Variants in EBF1 observed in about 807,000 individuals in gnomAD.
EBF1 encodes transcription factor COE1.
EBF1 carries 10 observed loss-of-function variants against 68.4 expected under a neutral mutation model. The observed-to-expected ratio is 0.15, with a 90% CI of 0.09 to 0.25. The LOEUF is 0.25. EBF1 is among the 10% of genes least tolerant of loss of function. The pLI, the probability that EBF1 is intolerant of heterozygous loss-of-function variation, is 1.00. For synonymous variants in EBF1, 298 were observed against 299.8 expected (o/e 0.99, Z 0.06); for missense variants, 509 against 794.4 (o/e 0.64, Z 4.32).
chr5:158,767,149 G>A (rs1442815035), intron 10 of EBF1, among the ~76,000 whole-genome samples: 1 of 152,100 alleles, frequency 6.6e-6, no homozygotes, highest in Non-Finnish European at 1.5e-5. Context: ...CTTAGATTGT[G>A]AGAGCTTATC....
chr5:159,082,197 T>C (rs1779862828), intron 5 of EBF1, among the ~76,000 whole-genome samples: 1 of 152,210 alleles, frequency 6.6e-6, no homozygotes, highest in Non-Finnish European at 1.5e-5. Context: ...CTTGTCGATC[T>C]AAATTCTCTG....
chr5:158,840,668 T>TTTG (rs1790112706), intron 6 of EBF1, among the ~76,000 whole-genome samples: 5 of 79,396 alleles, frequency 6.3e-5, no homozygotes, highest in Non-Finnish European at 1.1e-4. Flanking sequence ...TTTTTTTTTT[T>TTTG]TTTTGTTTTT....
intron 6 of EBF1, among the ~76,000 whole-genome samples, chr5:158,940,415 T>C (rs750642320): frequency 1.8e-4 from 28 of 152,184 alleles, no homozygotes; most frequent in Non-Finnish European, 4.0e-4. Flanking sequence ...GCCACTTAAA[T>C]ACATCCTCTT....
intron 6 of EBF1, among the ~76,000 whole-genome samples, chr5:158,956,821 C>T (rs1047594373): frequency 6.8e-6 from 1 of 146,362 alleles, no homozygotes; most frequent in African/African-American, 2.6e-5. Context: ...TGCAGTGGCG[C>T]GATCTGGGCT....
At chr5:158,728,914 T>C (rs1561760403) in intron 11 of EBF1, among the ~76,000 whole-genome samples, 1 of 152,184 alleles carries the variant, frequency 6.6e-6, no homozygotes. Flanking sequence ...AGGGCACCCA[T>C]GAGATGACCT....
At chr5:158,860,795 T>A (rs1238882365) in intron 6 of EBF1, among the ~76,000 whole-genome samples, 2 of 152,174 alleles carry the variant, frequency 1.3e-5, no homozygotes, top group African/African-American at 4.8e-5. Context: ...TGCATGTGTG[T>A]CTCGGCGCAT....
chr5:158,883,373 C>T lies in EBF1; in HGVS notation c.555-43263G>A, dbSNP rs1799323483. ...GTATATATATATATACACATACATACATGTATATATATACATACATACATG... is the reference window on the plus strand; with the variant it reads ...GTATATATATATATACACATACATATATGTATATATATACATACATACATG... On this transcript the variant is annotated intron_variant, in intron 6 of 15. Transcript: ENST00000313708. 2.0e-5 allele frequency among the ~76,000 whole-genome samples: 3 copies of T among 150,118 alleles called. No individual in the cohort carries two copies. The South Asian group carries it at 6.3e-4, about 31-fold the overall frequency.
chr5:158,926,058 T>C (rs1390733418), intron 6 of EBF1, among the ~76,000 whole-genome samples: 2 of 152,170 alleles, frequency 1.3e-5, no homozygotes, highest in Non-Finnish European at 2.9e-5. Flanking sequence ...TAAAAGCAAA[T>C]AGTGCCTGCT....
intron 6 of EBF1, among the ~76,000 whole-genome samples, chr5:158,950,334 C>A (rs1045334342): frequency 4.6e-5 from 7 of 152,120 alleles, no homozygotes; most frequent in Non-Finnish European, 1.0e-4. Context: ...AGTCAGTAGC[C>A]GATGAAGAAT....
At chr5:159,072,900 A>C (rs988160689) in intron 6 of EBF1, among the ~76,000 whole-genome samples, 2 of 152,244 alleles carry the variant, frequency 1.3e-5, no homozygotes, top group East Asian at 3.8e-4. Context: ...AAATCCGGCA[A>C]ATAACAGTAG....
chr5:158,961,849 AAG>A (rs1315275145), intron 6 of EBF1, among the ~76,000 whole-genome samples: 3 of 152,326 alleles, frequency 2.0e-5, no homozygotes, highest in Admixed American at 1.3e-4. Context: ...TTCTGAGGGA[AAG>A]AGAGCGAATT....
At chr5:158,916,880 T>C (rs1274569192) in intron 6 of EBF1, among the ~76,000 whole-genome samples, 1 of 152,226 alleles carries the variant, frequency 6.6e-6, no homozygotes, top group Non-Finnish European at 1.5e-5. Flanking sequence ...TCCCCTTCCA[T>C]GCAATAAGCA....
chr5:158,742,599 G>A (rs1464856897), intron 10 of EBF1, among the ~76,000 whole-genome samples: 1 of 152,166 alleles, frequency 6.6e-6, no homozygotes, highest in African/African-American at 2.4e-5. Flanking sequence ...AGTCTAGAGG[G>A]GCAGAAAGAC....
At chr5:158,816,738 G>T (rs1193433354) in intron 8 of EBF1, among the ~76,000 whole-genome samples, 1 of 151,706 alleles carries the variant, frequency 6.6e-6, no homozygotes, top group Non-Finnish European at 1.5e-5. Flanking sequence ...ATGCCAAAAG[G>T]TACACTCTTT....
intron 8 of EBF1, among the ~76,000 whole-genome samples, chr5:158,806,867 C>CA (rs1781684184): frequency 6.6e-6 from 1 of 152,144 alleles, no homozygotes; most frequent in African/African-American, 2.4e-5. Flanking sequence ...TAAATGAGGA[C>CA]AGCTGACTGG....
chr5:159,081,702 C>T lies in EBF1; in HGVS notation c.485+2964G>A, dbSNP rs149831276. 1.1e-3 allele frequency among the ~76,000 whole-genome samples: 160 copies of T among 152,182 alleles called. 2 individuals carry two copies. Among genetic ancestry groups the T allele is most frequent in the African/African-American group, 3.4e-3 (141 of 41,522 alleles). ...CCATACACTGATGAGGGAAAGAGGT[C>T]TTTCTTAAACAGAGCTCTGGGAACT... On this transcript the variant is annotated intron_variant, in intron 5 of 15. Transcript: ENST00000313708.
At chr5:158,935,517 G>A (rs961821713) in intron 6 of EBF1, among the ~76,000 whole-genome samples, 18 of 152,128 alleles carry the variant, frequency 1.2e-4, no homozygotes, top group Non-Finnish European at 2.1e-4. Flanking sequence ...ATGTGCACGC[G>A]TGCACACACA....
chr5:158,769,303 C>T (rs112732537), intron 10 of EBF1, among the ~76,000 whole-genome samples: 2 of 152,252 alleles, frequency 1.3e-5, no homozygotes, highest in African/African-American at 2.4e-5. Flanking sequence ...TTATCTCTCT[C>T]CCGGCCTTAT....
chr5:158,720,965 C>T (rs148246199), intron 11 of EBF1, among the ~76,000 whole-genome samples: 7 of 152,258 alleles, frequency 4.6e-5, no homozygotes, highest in African/African-American at 7.2e-5. Flanking sequence ...TTCTAGCTAG[C>T]GCATACTTTT....
Sources: gnomAD v4.1 joint callset for allele counts (sites outside exome capture counted in the v4.1 genomes callset) on GRCh38, gnomAD v4.1.1 for gene constraint, MANE v1.5 for transcripts, NCBI Gene and HGNC (gene_info 2026-07-23, HGNC 2026-07-21) for gene names.